The following SHPK variants were observed in gnomAD, a reference collection of about 807,000 sequenced individuals.
SHPK encodes the protein sedoheptulokinase, also known as carbohydrate kinase-like protein.
A neutral mutation model predicts 46.3 loss-of-function variants in SHPK; 51 were observed. That is an observed-to-expected ratio of 1.10 (90% CI 0.88 to 1.39). The LOEUF (loss-of-function observed/expected upper bound fraction) is 1.39, where lower values mean the gene tolerates loss of function less well. SHPK is among the 40% of genes most tolerant of loss of function. The pLI, the probability that SHPK is intolerant of heterozygous loss-of-function variation, is 0.00. For missense variants in SHPK, 668 were observed against 641.3 expected, an observed-to-expected ratio of 1.04 and a Z score of -0.45; for synonymous variants, 290 against 273.9, an observed-to-expected ratio of 1.06 and a Z score of -0.58.
chr17:3,623,588 G>T, intron 3 of SHPK, 97 bp from the exon 4 acceptor site: 2 of 1,275,124 alleles, frequency 1.6e-6, no homozygotes. Context: ...CTGTGCCATG[G>T]CCAGGTGGCA....
Position 3,635,321 on chromosome 17 carries a change from C to A in SHPK, c.168+731G>T, listed in dbSNP as rs375632854. 8.8e-4 allele frequency among the ~76,000 whole-genome samples: 134 copies of A among 151,948 alleles called. 7 individuals carry two copies. In the South Asian group the frequency reaches 0.023, roughly 26 times the overall value. The stretch of plus-strand genomic sequence containing the variant: ...AGCGATCTCGACTCACTGCAAGCTC[C>A]GCCTCCCGGGTTCGCGCCATTCTCC... On this transcript the variant is annotated intron_variant, in intron 1 of 6. Transcript: ENST00000225519.
chr17:3,634,569 C>G (rs429693), intron 1 of SHPK, among the ~76,000 whole-genome samples: 1 of 63,612 alleles, frequency 1.6e-5, no homozygotes, highest in Non-Finnish European at 2.9e-5. Context: ...GAGACCCTGT[C>G]TCAAAAAAAA....
At position 3,610,988 on chromosome 17, in the gene SHPK, A is replaced by T; in HGVS notation, c.1025-16T>A. The T allele has an allele frequency of 6.3e-7, 1 of 1,593,114 alleles. No individual in the cohort carries two copies. On this transcript the variant is annotated splice_polypyrimidine_tract_variant and intron_variant, in intron 6 of 6. Coordinates refer to ENST00000225519, the MANE Select transcript of SHPK (RefSeq NM_013276.4). ...ACCTCCAGGCCTGCCAGAGACAGAG[A>T]AGATCTGTGTAAGCTCATGCGTCCC...
At chr17:3,615,915 T>C (rs1249797326) in intron 5 of SHPK, among the ~76,000 whole-genome samples, 1 of 147,656 alleles carries the variant, frequency 6.8e-6, no homozygotes, top group East Asian at 2.0e-4. Flanking sequence ...AGTGCAATGG[T>C]GCGATCTTGG....
In SHPK at chr17:3,636,183, C is replaced by A; in HGVS notation, c.37G>T (p.Gly13Cys). The A allele has an allele frequency of 6.2e-7, 1 of 1,611,428 alleles. No homozygotes were observed. The highest frequency in any genetic ancestry group is 2.2e-5 in the East Asian group (1 of 44,720). Reference protein sequence around the residue: ...ARPITLGIDLGTTSVKAALLR... With the variant: ...ARPITLGIDLCTTSVKAALLR... ...AGAGCTGCCTTCACAGATGTGGTGC[C>A]CAGGTCAATGCCGAGGGTGATCGGC... The change falls in exon 1 of 7, where the codon GGC (glycine) becomes TGC (cysteine). Residue 13 changes from glycine (G) to cysteine (C), a missense_variant. By Grantham distance (159) the Gly-to-Cys change is radical. Coordinates refer to ENST00000225519, the MANE Select transcript of SHPK (RefSeq NM_013276.4).
At position 3,610,603 on chromosome 17, in the gene SHPK, G is replaced by A. The variant is rs751382735; in HGVS notation, c.1394C>T (p.Ala465Val). ...GQDVDAAVGA[A>V]LVMLRRHLNQ... ...GAGGTGTCTCCGGAGCATGACCAGA[G>A]CTGCCCCGACAGCTGCATCCACATC... is the stretch of plus-strand genomic sequence containing the variant. Residue 465 changes from alanine (A) to valine (V), a missense_variant, in exon 7 of 7, where the codon GCT (alanine) becomes GTT (valine). Ala to Val is a moderately conservative substitution (Grantham distance 64). Transcript: ENST00000225519. 18 of 1,612,962 alleles carry A rather than the reference G, an allele frequency of 1.1e-5. No individual in the cohort carries two copies. The highest frequency in any genetic ancestry group is 1.4e-5 in the Non-Finnish European group (17 of 1,179,340).
Position 3,624,038 on chromosome 17 carries a change from T to C in SHPK, c.494+10A>G. Reference sequence around the variant, plus strand: ...ACCCAGCACCCGAGTGAAAGTGCAGTTGCCCGTACCGATATTTCAAAAGCC... The same window carrying C: ...ACCCAGCACCCGAGTGAAAGTGCAGCTGCCCGTACCGATATTTCAAAAGCC... On this transcript the variant is annotated intron_variant, in intron 3 of 6. Coordinates refer to ENST00000225519, the MANE Select transcript of SHPK (RefSeq NM_013276.4). 1 of 1,590,960 alleles carries C rather than the reference T, an allele frequency of 6.3e-7. No homozygotes were observed. Among genetic ancestry groups the C allele is most frequent in the African/African-American group, 1.3e-5 (1 of 74,552 alleles).
chr17:3,622,047 C>T (rs1012657842), intron 4 of SHPK, among the ~76,000 whole-genome samples: 71 of 151,330 alleles, frequency 4.7e-4, no homozygotes, highest in African/African-American at 1.7e-3. Context: ...ACCTCCCAGG[C>T]TCAAGCAATT....
intron 1 of SHPK, among the ~76,000 whole-genome samples, chr17:3,635,828 G>C (rs1041022255): frequency 6.6e-6 from 1 of 152,178 alleles, no homozygotes; most frequent in South Asian, 2.1e-4. Flanking sequence ...GAGAGTCGGG[G>C]AGGGGGCGGG....
chr17:3,614,624 G>A (rs1479087957), intron 6 of SHPK, among the ~76,000 whole-genome samples: 1 of 152,108 alleles, frequency 6.6e-6, no homozygotes, highest in Non-Finnish European at 1.5e-5. Context: ...GAGGCGGGTG[G>A]ATCACCTGAG....
At position 3,621,601 on chromosome 17, in the gene SHPK, T is replaced by TTCCC. The variant is rs201385296; in HGVS notation, c.648-193_648-190dup. On this transcript the variant is annotated intron_variant, in intron 4 of 6. Coordinates refer to ENST00000225519, the MANE Select transcript of SHPK (RefSeq NM_013276.4). ...TTCCTTTCCTCCTTCTCTCCATTCCTTCCCTCCCTCCCTCCCTCCCTTCCT... is the reference window on the plus strand; with the variant it reads ...TTCCTTTCCTCCTTCTCTCCATTCCTTCCCTCCCTCCCTCCCTCCCTCCCTTCCT... Among the ~76,000 whole-genome samples the TTCCC allele has an allele frequency of 4.9e-4, 59 of 120,974 alleles. 1 individual carries two copies. Among genetic ancestry groups the TTCCC allele is most frequent in the South Asian group, 2.0e-3 (6 of 3,060 alleles). The allele number at this position is 120,974 out of a possible 152,430, so 79.4% of individuals were successfully genotyped here.
intron 1 of SHPK, among the ~76,000 whole-genome samples, chr17:3,633,420 G>A (rs1006456817): frequency 6.6e-6 from 1 of 151,362 alleles, no homozygotes; most frequent in Middle Eastern, 3.4e-3. Context: ...GGCCAGAGAT[G>A]TTGCTAAACA....
At chr17:3,620,384 C>T (rs1186939598) in intron 5 of SHPK, among the ~76,000 whole-genome samples, 1 of 152,046 alleles carries the variant, frequency 6.6e-6, no homozygotes, top group Non-Finnish European at 1.5e-5. Context: ...CCTCAGCCTC[C>T]CAAGTAGCTG....
chr17:3,612,348 C>T lies in SHPK; in HGVS notation c.1025-1376G>A, dbSNP rs536500064. ...TGCTGAGGCATGAGAAACGCTTGAACCCAGAAGGCAGAGCTTGCAGTGAGC... is the reference window on the plus strand; with the variant it reads ...TGCTGAGGCATGAGAAACGCTTGAATCCAGAAGGCAGAGCTTGCAGTGAGC... On this transcript the variant is annotated intron_variant, in intron 6 of 6. Transcript: ENST00000225519. Among the ~76,000 whole-genome samples the T allele has an allele frequency of 5.3e-5, 8 of 151,324 alleles. No homozygotes were observed. In the East Asian group the frequency reaches 9.8e-4, roughly 19 times the overall value.
rs534119657 is a variant in SHPK at position 3,635,207 on chromosome 17, AAGG to A, written c.168+842_168+844del. Reference sequence around the variant, plus strand: ...AAAGGAAAGAATGAAGGAAGGAAGGAAGGAAGGAAGGAAGGAAGGAAGGAAGGA... The same window carrying A: ...AAAGGAAAGAATGAAGGAAGGAAGGAAAGGAAGGAAGGAAGGAAGGAAGGA... On this transcript the variant is annotated intron_variant, in intron 1 of 6. Transcript: ENST00000225519. Among the ~76,000 whole-genome samples, 165 of 122,864 alleles carry A rather than the reference AAGG, an allele frequency of 1.3e-3. 5 individuals are homozygous for A. Among genetic ancestry groups the A allele is most frequent in the South Asian group, 3.3e-3 (10 of 2,992 alleles). The allele number at this position is 122,864 out of a possible 152,430, so 80.6% of individuals were successfully genotyped here. A position where few individuals can be genotyped will look rare whatever the true frequency, so the allele number is the denominator to read the frequency against.
chr17:3,614,847 C>CA (rs35009244), intron 6 of SHPK, among the ~76,000 whole-genome samples: 15,976 of 91,528 alleles, frequency 0.17, 1,114 homozygotes, highest in East Asian at 0.38. Context: ...GACTCCGTCT[C>CA]AAAAAAAAAA....
Position 3,621,408 on chromosome 17 carries a change from T to A in SHPK, c.652A>T (p.Arg218Trp), listed in dbSNP as rs1406582585. 1 of 1,613,600 alleles carries A rather than the reference T, an allele frequency of 6.2e-7. No individual in the cohort carries two copies. Among genetic ancestry groups the A allele is most frequent in the East Asian group, 2.2e-5 (1 of 44,866 alleles). The change falls in exon 5 of 7, where the codon AGG (arginine) becomes TGG (tryptophan). Residue 218 changes from arginine (R) to tryptophan (W), a missense_variant. Arg to Trp is a moderately radical substitution (Grantham distance 101). Transcript: ENST00000225519. ...QSQSWNVETL[R>W]SSGFPVHLLP... is the part of the protein sequence containing the mutation. The stretch of plus-strand genomic sequence containing the variant: ...AGGTGGACAGGAAAACCCGAGCTCC[T>A]CAGTCTGTAAAACAGAAGTGGACAC...
chr17:3,633,103 C>CA (rs1261174405), intron 1 of SHPK, among the ~76,000 whole-genome samples: 1 of 150,956 alleles, frequency 6.6e-6, no homozygotes, highest in Non-Finnish European at 1.5e-5. Context: ...CTCAGCCTCC[C>CA]AAGTAGCTGG....
intron 2 of SHPK, among the ~76,000 whole-genome samples, chr17:3,627,397 A>C (rs1363971502): frequency 6.6e-6 from 1 of 151,550 alleles, no homozygotes; most frequent in African/African-American, 2.4e-5. Flanking sequence ...CTCTCTGCTC[A>C]AGTTACTCCT....
Sources: allele counts gnomAD v4.1 joint callset (sites outside exome capture counted in the v4.1 genomes callset), GRCh38; gene constraint gnomAD v4.1.1; transcripts MANE v1.5; gene names NCBI Gene and HGNC (gene_info 2026-07-23, HGNC 2026-07-21).